Variants in CENPI observed in about 807,000 individuals in gnomAD.
CENPI encodes FSH primary response 1.
CENPI carries 4 observed loss-of-function variants against 60.4 expected under a neutral mutation model. The observed-to-expected ratio is 0.07, with a 90% CI of 0.03 to 0.15. The LOEUF is 0.15. Among genes scored for constraint, CENPI ranks in the 10% least tolerant of loss-of-function variants. The probability of loss-of-function intolerance (pLI) is 1.00; values close to 1 mark genes in which losing one functional copy is unlikely to be tolerated. For missense variants in CENPI, 444 were observed against 534.5 expected (o/e 0.83, Z 1.67); for synonymous variants, 157 against 189.4 (o/e 0.83, Z 1.40).
intron 15 of CENPI, among the ~76,000 whole-genome samples, chrX:101,139,694 G>A (rs1165317109): frequency 8.9e-6 from 1 of 111,777 alleles, no homozygotes; most frequent in African/African-American, 3.2e-5. Context: ...AGACCATTAT[G>A]TAGTAAGAAT....
intron 2 of CENPI, among the ~76,000 whole-genome samples, chrX:101,099,096 CCCTTTCTTTCTTTCTTT>C (rs2089380362): frequency 9.0e-6 from 1 of 111,155 alleles, no homozygotes; most frequent in Middle Eastern, 4.6e-3. Flanking sequence ...CTCCCTCCCT[CCCTTTCTTTCTTTCTTT>C]CCTTTCTTTC....
chrX:101,104,475 G>A (rs1465059538), intron 4 of CENPI, among the ~76,000 whole-genome samples: 1 of 111,590 alleles, frequency 9.0e-6, no homozygotes, highest in African/African-American at 3.3e-5. Flanking sequence ...GGAAAAAGAG[G>A]CTCAGAGTAG....
At chrX:101,131,601 G>A (rs1251860469) in intron 13 of CENPI, among the ~76,000 whole-genome samples, 2 of 111,609 alleles carry the variant, frequency 1.8e-5, no homozygotes, top group Non-Finnish European at 3.8e-5. Flanking sequence ...CATGTTAAAA[G>A]TGGTTTTAGC....
At chrX:101,137,216 A>G (rs1806419697) in intron 15 of CENPI, among the ~76,000 whole-genome samples, 2 of 112,486 alleles carry the variant, frequency 1.8e-5, no homozygotes, top group Non-Finnish European at 3.8e-5. Context: ...CCTGGCCTCT[A>G]TTATTTATTT....
chrX:101,118,222 AGAG>A lies in CENPI; in HGVS notation c.592-2175_592-2173del, dbSNP rs2089642646. ...AGTAAAGTTGGGTGAACTAAGTCTC[AGAG>A]GAGGTCTTTTTCTATACAACGGTGA... On this transcript the variant is annotated intron_variant, in intron 6 of 21. Coordinates refer to ENST00000682095, the MANE Select transcript of CENPI (RefSeq NM_001386188.2). Among the ~76,000 whole-genome samples the A allele has an allele frequency of 3.6e-5, 4 of 111,422 alleles. No individual in the cohort carries two copies. The South Asian group carries it at 1.5e-3, about 42-fold the overall frequency.
rs1487309479 is a variant in CENPI at position 101,127,500 on chromosome X, G to C, written c.909G>C (p.Lys303Asn). The C allele has an allele frequency of 2.5e-5, 29 of 1,166,401 alleles. No individual in the cohort carries two copies. The highest frequency in any genetic ancestry group is 3.2e-5 in the Non-Finnish European group (28 of 872,014). ...ATTATTTTATTATCTTTCTTCAGAA[G>C]TGGAATTCTCTCTCAGTTATACCAG... is the stretch of plus-strand genomic sequence containing the variant. Reference protein sequence around the residue: ...GPANVRPLKRKWNSLSVIPVL... With the variant: ...GPANVRPLKRNWNSLSVIPVL... Residue 303 changes from lysine (K) to asparagine (N), a missense_variant and splice_region_variant, in exon 11 of 22, where the codon AAG becomes AAC. Coordinates refer to ENST00000682095, the MANE Select transcript of CENPI (RefSeq NM_001386188.2).
intron 8 of CENPI, 97 bp downstream of exon 8, chrX:101,120,881 T>TC: frequency 1.4e-6 from 1 of 698,604 alleles, no homozygotes; most frequent in East Asian, 3.4e-5. Flanking sequence ...TTGATCTTTT[T>TC]TTTTTTTTTT....
At chrX:101,148,450 G>A (rs188578600) in intron 20 of CENPI, among the ~76,000 whole-genome samples, 6 of 111,860 alleles carry the variant, frequency 5.4e-5, no homozygotes, top group East Asian at 2.8e-4. Context: ...AAAGATGGGG[G>A]AGTGATTAGT....
At chrX:101,153,568 T>C (rs1434535658) in intron 20 of CENPI, among the ~76,000 whole-genome samples, 1 of 111,668 alleles carries the variant, frequency 9.0e-6, no homozygotes, top group East Asian at 2.8e-4. Flanking sequence ...GTTACAGGTG[T>C]GAGCCACCAT....
At chrX:101,161,255 T>A (rs5966738) in intron 20 of CENPI, among the ~76,000 whole-genome samples, 18,103 of 111,453 alleles carry the variant, frequency 0.16, 1,112 homozygotes, top group Middle Eastern at 0.24. Context: ...TCCCAAAGTG[T>A]TGAGATTACA....
intron 20 of CENPI, among the ~76,000 whole-genome samples, chrX:101,150,942 T>C (rs1012971002): frequency 9.0e-5 from 10 of 111,531 alleles, no homozygotes; most frequent in African/African-American, 3.3e-4. Context: ...TGTGTGTGTG[T>C]GCTTCTTCCT....
intron 15 of CENPI, among the ~76,000 whole-genome samples, chrX:101,135,558 G>A (rs1163980424): frequency 8.9e-6 from 1 of 112,226 alleles, no homozygotes; most frequent in African/African-American, 3.2e-5. Context: ...AAAACTGACT[G>A]TAGCAAAATG....
At chrX:101,159,929 C>T (rs928675415) in intron 20 of CENPI, among the ~76,000 whole-genome samples, 15 of 111,700 alleles carry the variant, frequency 1.3e-4, no homozygotes, top group Non-Finnish European at 2.3e-4. Flanking sequence ...GTTAGATATC[C>T]AAGAAAAAAA....
chrX:101,166,471 C>T (rs1470562255), downstream of CENPI, among the ~76,000 whole-genome samples: 3 of 112,674 alleles, frequency 2.7e-5, no homozygotes, highest in African/African-American at 9.6e-5. Flanking sequence ...AATTTTTTAA[C>T]TCACTTAAGA....
At chrX:101,131,155 A>AT (rs2089792195) in intron 13 of CENPI, among the ~76,000 whole-genome samples, 1 of 107,818 alleles carries the variant, frequency 9.3e-6, no homozygotes, top group Non-Finnish European at 1.9e-5. Context: ...ACTCCTGGCT[A>AT]TTTTTTTGTT....
chrX:101,144,023 A>AT (rs766897409), intron 16 of CENPI, among the ~76,000 whole-genome samples: 5 of 94,125 alleles, frequency 5.3e-5, no homozygotes, highest in Middle Eastern at 6.6e-3. Flanking sequence ...ATTAGTTCTC[A>AT]TTTTTTCTAG....
chrX:101,153,447 G>A (rs1175019877), intron 20 of CENPI, among the ~76,000 whole-genome samples: 1 of 109,158 alleles, frequency 9.2e-6, no homozygotes, highest in Non-Finnish European at 1.9e-5. Context: ...ACAAGCGCAC[G>A]CCACCACTCC....
rs199833748 is a variant in CENPI at position 101,102,494 on chromosome X, T to TACACACACACACACACACACAC, written c.364+84_364+85insCACACACACACACACACACACA. The TACACACACACACACACACACAC allele has an allele frequency of 2.9e-3, 871 of 298,508 alleles. 13 individuals are homozygous for TACACACACACACACACACACAC. In the African/African-American group the frequency reaches 0.03, roughly 10 times the overall value. 24.6% of individuals were successfully genotyped at this position (298,508 alleles called of 1,213,427 possible). On this transcript the variant is annotated intron_variant, in intron 4 of 21. Transcript: ENST00000682095. The stretch of plus-strand genomic sequence containing the variant: ...CTTTTAAAAATAAATCTTATATATA[T>TACACACACACACACACACACAC]ATACACACACACACACACACACATA...
At chrX:101,114,564 T>C (rs1441519645) in intron 6 of CENPI, among the ~76,000 whole-genome samples, 1 of 112,583 alleles carries the variant, frequency 8.9e-6, no homozygotes, top group African/African-American at 3.2e-5. Context: ...TGAACTCATG[T>C]AATAATGTGG....
Sources: allele counts gnomAD v4.1 joint callset (sites outside exome capture counted in the v4.1 genomes callset), GRCh38; gene constraint gnomAD v4.1.1; transcripts MANE v1.5; gene names NCBI Gene and HGNC (gene_info 2026-07-23, HGNC 2026-07-21).